ADGRV1: variants seen among roughly 807,000 people sequenced by gnomAD.
The protein encoded by ADGRV1 is adhesion G protein-coupled receptor V1.
Under a neutral mutation model 596.2 loss-of-function variants are expected in ADGRV1, and 359 were observed. The ratio of observed to expected loss-of-function variants is 0.60; its 90% CI spans 0.55 to 0.66. ADGRV1 has a LOEUF of 0.66. Among genes scored for constraint, ADGRV1 ranks in the 30% least tolerant of loss-of-function variants. The probability of loss-of-function intolerance (pLI) is 0.00; values close to 1 mark genes in which losing one functional copy is unlikely to be tolerated. For synonymous variants in ADGRV1, 2,681 were observed against 2,679.2 expected (o/e 1.00, Z -0.02); for missense variants, 7,274 against 7,575.6 (o/e 0.96, Z 1.48).
At chr5:90,634,653 G>A (rs547176213) in intron 9 of ADGRV1, among the ~76,000 whole-genome samples, 3 of 152,192 alleles carry the variant, frequency 2.0e-5, no homozygotes, top group East Asian at 1.9e-4. Flanking sequence ...TTGGCTTTAA[G>A]GTCAAGGTAG....
At chr5:91,157,626 T>C (rs1023322290) in intron 89 of ADGRV1, among the ~76,000 whole-genome samples, 2 of 152,250 alleles carry the variant, frequency 1.3e-5, no homozygotes, top group African/African-American at 4.8e-5. Flanking sequence ...TTAATTTTTT[T>C]CTGTGGCCAT....
intron 76 of ADGRV1, among the ~76,000 whole-genome samples, chr5:90,827,095 A>G (rs1764136553): frequency 6.6e-6 from 1 of 152,138 alleles, no homozygotes; most frequent in African/African-American, 2.4e-5. Flanking sequence ...TAAGTAAGGT[A>G]TTGTTTCATT....
chr5:90,831,574 A>T (rs550820054), intron 77 of ADGRV1, among the ~76,000 whole-genome samples: 23 of 152,164 alleles, frequency 1.5e-4, no homozygotes, highest in Middle Eastern at 3.4e-3. Context: ...AGATAATTCA[A>T]TTATACTTTT....
intron 9 of ADGRV1, 100 bp from the exon 10 acceptor site, chr5:90,635,014 C>T (rs1281354510): frequency 3.0e-6 from 2 of 677,442 alleles, no homozygotes; most frequent in African/African-American, 1.8e-5. Context: ...TATTGGTGAC[C>T]TCTACCTACG....
chr5:90,664,908 G>T (rs1159293650), intron 21 of ADGRV1, among the ~76,000 whole-genome samples: 1 of 151,282 alleles, frequency 6.6e-6, no homozygotes, highest in Non-Finnish European at 1.5e-5. Context: ...TTATATGCTG[G>T]ATTACATTTA....
At chr5:91,075,621 C>G (rs1011813630) in intron 86 of ADGRV1, among the ~76,000 whole-genome samples, 4 of 152,114 alleles carry the variant, frequency 2.6e-5, no homozygotes, top group African/African-American at 9.7e-5. Flanking sequence ...TTCTAATTCC[C>G]CTATTCCCAT....
At chr5:90,819,869 G>C (rs1227857718) in intron 75 of ADGRV1, among the ~76,000 whole-genome samples, 2 of 152,086 alleles carry the variant, frequency 1.3e-5, no homozygotes, top group South Asian at 4.2e-4. Context: ...GTGTGGTGTG[G>C]TGCTGAAAAA....
chr5:91,029,459 A>T (rs1217742353), intron 85 of ADGRV1, among the ~76,000 whole-genome samples: 1 of 152,198 alleles, frequency 6.6e-6, no homozygotes, highest in East Asian at 1.9e-4. Context: ...CCATATACAT[A>T]TGTGCAAAGT....
chr5:90,695,397 G>A (rs1195969949), intron 33 of ADGRV1, among the ~76,000 whole-genome samples: 2 of 152,058 alleles, frequency 1.3e-5, no homozygotes, highest in African/African-American at 4.8e-5. Flanking sequence ...GTTTAAAATA[G>A]TTTTCTCTGG....
intron 45 of ADGRV1, among the ~76,000 whole-genome samples, chr5:90,724,109 TATC>T (rs895565928): frequency 2.0e-4 from 31 of 152,256 alleles, no homozygotes; most frequent in African/African-American, 6.7e-4. Flanking sequence ...TTAAACCAAA[TATC>T]ATATTTCTAT....
In ADGRV1 at chr5:90,705,427, T is replaced by C; in HGVS notation, c.8414T>C (p.Leu2805Pro). The change falls in exon 37 of 90, where the codon CTT (leucine) becomes CCT (proline). Residue 2805 changes from leucine (L) to proline (P), a missense_variant. Physicochemically the swap from Leu to Pro is moderately conservative, Grantham distance 98. Around this residue, in one of 5 missense-constraint regions of ADGRV1, gnomAD observed 3,643 missense variants for 3,809.2 expected, o/e 0.96. Coordinates refer to ENST00000405460, the MANE Select transcript of ADGRV1 (RefSeq NM_032119.4). The stretch of plus-strand genomic sequence containing the variant: ...GTTCCACCAGCCGGAATCGCCCTGC[T>C]TGATGCTCAAGGATATGCAGCTGTC... ...QGVPPAGIAL[L>P]DAQGYAAVLT... 3 of 1,613,890 alleles carry C rather than the reference T, an allele frequency of 1.9e-6. 1 individual carries two copies. Among genetic ancestry groups the C allele is most frequent in the South Asian group, 2.2e-5 (2 of 91,060 alleles).
At chr5:90,899,833 C>T (rs1005085706) in intron 83 of ADGRV1, among the ~76,000 whole-genome samples, 7 of 152,146 alleles carry the variant, frequency 4.6e-5, no homozygotes, top group South Asian at 4.1e-4. Context: ...ACTCTGATAA[C>T]GAGAGCAAGG....
At chr5:90,809,629 C>G (rs1224275607) in intron 73 of ADGRV1, among the ~76,000 whole-genome samples, 2 of 152,102 alleles carry the variant, frequency 1.3e-5, no homozygotes, top group African/African-American at 4.8e-5. Flanking sequence ...GAAAATAAAC[C>G]TGTAGACAGA....
At chr5:91,032,694 C>G (rs1436070506) in intron 85 of ADGRV1, among the ~76,000 whole-genome samples, 1 of 152,002 alleles carries the variant, frequency 6.6e-6, no homozygotes, top group Non-Finnish European at 1.5e-5. Context: ...GAAACAAAAT[C>G]TCCCATTATG....
chr5:91,146,271 G>A (rs561045482), intron 87 of ADGRV1, among the ~76,000 whole-genome samples: 7 of 152,268 alleles, frequency 4.6e-5, no homozygotes, highest in African/African-American at 1.7e-4. Context: ...GAACATAAAG[G>A]TCACAATTAC....
intron 85 of ADGRV1, among the ~76,000 whole-genome samples, chr5:91,057,963 C>T (rs186917542): frequency 3.1e-4 from 47 of 152,276 alleles, no homozygotes; most frequent in Admixed American, 1.7e-3. Context: ...GTGATGTTCA[C>T]TAAACACTTG....
intron 85 of ADGRV1, among the ~76,000 whole-genome samples, chr5:91,041,936 A>G (rs930886863): frequency 6.6e-6 from 1 of 152,194 alleles, no homozygotes; most frequent in Admixed American, 6.6e-5. Flanking sequence ...GGAAAGTATT[A>G]TATTTGAGGA....
At chr5:90,873,819 T>G (rs542493760) in intron 83 of ADGRV1, among the ~76,000 whole-genome samples, 2 of 143,958 alleles carry the variant, frequency 1.4e-5, no homozygotes, top group African/African-American at 5.1e-5. Context: ...AAAAAAAACC[T>G]TAGTTAACCA....
chr5:90,592,880 A>T (rs763919084), intron 1 of ADGRV1, among the ~76,000 whole-genome samples: 1 of 152,232 alleles, frequency 6.6e-6, no homozygotes, highest in Non-Finnish European at 1.5e-5. Flanking sequence ...GAGAAATGCA[A>T]ATCAAAACCA....
Sources: allele counts gnomAD v4.1 joint callset (sites outside exome capture counted in the v4.1 genomes callset), GRCh38; gene constraint gnomAD v4.1.1; regional missense constraint gnomAD v4.1.1; transcripts MANE v1.5; gene names NCBI Gene and HGNC (gene_info 2026-07-23, HGNC 2026-07-21).